Variants in PVT1 observed in about 807,000 individuals in gnomAD.
PVT1 encodes CXCR4/PVT1 fusion.
At chr8:128,063,983 G>A (rs1454598951) in intron 4 of PVT1, among the ~76,000 whole-genome samples, 5 of 151,528 alleles carry the variant, frequency 3.3e-5, no homozygotes, top group Non-Finnish European at 7.4e-5. Context: ...TTTTATCTGT[G>A]AATTAAAAAA....
At chr8:127,906,003 A>G (rs1217275551) in intron 3 of PVT1, among the ~76,000 whole-genome samples, 1 of 152,202 alleles carries the variant, frequency 6.6e-6, no homozygotes, top group Non-Finnish European at 1.5e-5. Flanking sequence ...AGTAAGATAC[A>G]TTTTGCACAA....
At chr8:127,899,111 C>T (rs7840374) in intron 3 of PVT1, among the ~76,000 whole-genome samples, 18,820 of 152,254 alleles carry the variant, frequency 0.12, 3,776 homozygotes, top group African/African-American at 0.42. Flanking sequence ...CAGAAGCTTC[C>T]TGTTGCGTCT....
chr8:127,829,559 C>T (rs193103764), intron 2 of PVT1, among the ~76,000 whole-genome samples: 2 of 152,302 alleles, frequency 1.3e-5, no homozygotes, highest in African/African-American at 4.8e-5. Context: ...AAGAGGGTGG[C>T]TGCTCAGCCC....
chr8:127,869,925 G>A lies in PVT1; in HGVS notation n.373-20664G>A, dbSNP rs28674135. Among the ~76,000 whole-genome samples the A allele has an allele frequency of 9.0e-3, 1,370 of 152,076 alleles. 14 individuals are homozygous for A. Among genetic ancestry groups the A allele is most frequent in the African/African-American group, 0.031 (1,272 of 41,484 alleles). On this transcript the variant is annotated intron_variant and non_coding_transcript_variant, in intron 2 of 10. Transcript: ENST00000651587. ...TTCAAGCTATTCTCCTGCCTCAGCC[G>A]TCCGAGTAGCTGAGATTACAGGCAC...
chr8:128,032,895 C>G (rs1186853518), intron 4 of PVT1, among the ~76,000 whole-genome samples: 3 of 152,248 alleles, frequency 2.0e-5, no homozygotes, highest in Non-Finnish European at 4.4e-5. Flanking sequence ...GCTGGCCTCT[C>G]TTTTGCTAGC....
intron 2 of PVT1, among the ~76,000 whole-genome samples, chr8:127,821,771 C>G (rs1424023696): frequency 6.6e-6 from 1 of 151,692 alleles, no homozygotes; most frequent in Middle Eastern, 3.2e-3. Flanking sequence ...GAGATCGCAC[C>G]ACTGAACTCC....
intron 3 of PVT1, among the ~76,000 whole-genome samples, chr8:127,954,719 G>T (rs1367352563): frequency 6.6e-6 from 1 of 152,168 alleles, no homozygotes; most frequent in African/African-American, 2.4e-5. Context: ...AAGTCATACA[G>T]TGTAGAAGAA....
At chr8:128,040,808 GTGT>G (rs759964648) in intron 4 of PVT1, among the ~76,000 whole-genome samples, 59 of 151,758 alleles carry the variant, frequency 3.9e-4, no homozygotes, top group Non-Finnish European at 5.0e-4. Context: ...GTGCTTCTGT[GTGT>G]TGTTTGTGCT....
intron 3 of PVT1, among the ~76,000 whole-genome samples, chr8:127,953,755 ATTTCT>A (rs1351449918): frequency 1.3e-5 from 2 of 152,156 alleles, no homozygotes; most frequent in African/African-American, 4.8e-5. Flanking sequence ...TTGTGAGCTC[ATTTCT>A]ATGTGGACTT....
chr8:127,956,769 C>T (rs1816575042), intron 3 of PVT1, among the ~76,000 whole-genome samples: 1 of 152,240 alleles, frequency 6.6e-6, no homozygotes, highest in African/African-American at 2.4e-5. Context: ...AGGCGTGAGC[C>T]ACTGCGCCCT....
In PVT1 at chr8:128,011,138, T is replaced by C. The variant is rs143227760; in HGVS notation, n.912+21847T>C. 7.9e-5 allele frequency among the ~76,000 whole-genome samples: 12 copies of C among 152,344 alleles called. No individual in the cohort carries two copies. The East Asian group carries it at 2.3e-3, about 29-fold the overall frequency. On this transcript the variant is annotated intron_variant and non_coding_transcript_variant, in intron 4 of 10. Transcript: ENST00000651587. ...GTAGATGGCAACAATCTTTAGACTATATGTGTCTTGATGGTAGGGCAATCA... is the reference window on the plus strand; with the variant it reads ...GTAGATGGCAACAATCTTTAGACTACATGTGTCTTGATGGTAGGGCAATCA...
intron 6 of PVT1, among the ~76,000 whole-genome samples, chr8:128,098,491 G>T (rs1480877035): frequency 1.3e-5 from 2 of 152,194 alleles, no homozygotes; most frequent in Non-Finnish European, 2.9e-5. Context: ...CCATCCGGTT[G>T]CGGCCTCTCG....
intron 2 of PVT1, among the ~76,000 whole-genome samples, chr8:127,798,345 G>A (rs1814421749): frequency 6.6e-6 from 1 of 151,452 alleles, no homozygotes; most frequent in South Asian, 2.1e-4. Context: ...CCTTGGCCTT[G>A]AGCAGGAGAA....
chr8:127,919,003 T>C (rs1816024359), intron 3 of PVT1, among the ~76,000 whole-genome samples: 1 of 152,146 alleles, frequency 6.6e-6, no homozygotes, highest in African/African-American at 2.4e-5. Flanking sequence ...GTTCTGATCG[T>C]TGGGGCTGTC....
intron 3 of PVT1, among the ~76,000 whole-genome samples, chr8:127,957,424 GA>G (rs1043518738): frequency 1.3e-4 from 19 of 152,000 alleles, no homozygotes; most frequent in Non-Finnish European, 1.5e-5. Flanking sequence ...AAAATTAGCT[GA>G]GTGTGGTGGT....
intron 3 of PVT1, among the ~76,000 whole-genome samples, chr8:127,961,071 G>T (rs1030018637): frequency 1.3e-5 from 2 of 152,138 alleles, no homozygotes; most frequent in Admixed American, 1.3e-4. Flanking sequence ...TGGACTTAGG[G>T]TGGTCAGGGG....
intron 2 of PVT1, among the ~76,000 whole-genome samples, chr8:127,811,357 C>T (rs1265852306): frequency 2.6e-5 from 4 of 152,330 alleles, no homozygotes; most frequent in African/African-American, 7.2e-5. Context: ...ATGTGGCCCC[C>T]GGGGCCAGCA....
chr8:127,857,944 T>C (rs1281192405), intron 2 of PVT1, among the ~76,000 whole-genome samples: 1 of 152,208 alleles, frequency 6.6e-6, no homozygotes, highest in African/African-American at 2.4e-5. Context: ...AGTTAAACTC[T>C]GGGTTGAGAA....
At chr8:127,949,252 A>G (rs1196686115) in intron 3 of PVT1, among the ~76,000 whole-genome samples, 1 of 152,068 alleles carries the variant, frequency 6.6e-6, no homozygotes, top group East Asian at 1.9e-4. Context: ...CTGTTGTTAC[A>G]ATAAGACTAT....
Sources: allele counts gnomAD v4.1 joint callset (sites outside exome capture counted in the v4.1 genomes callset), GRCh38; gene constraint gnomAD v4.1.1; transcripts MANE v1.5; gene names NCBI Gene and HGNC (gene_info 2026-07-23, HGNC 2026-07-21).